Variants in WDFY3 observed in about 807,000 individuals in gnomAD.
The protein encoded by WDFY3 is WD repeat and FYVE domain-containing protein 3.
Under a neutral mutation model 409.6 loss-of-function variants are expected in WDFY3, and 66 were observed. That is an observed-to-expected ratio of 0.16 (90% CI 0.13 to 0.20). The LOEUF (loss-of-function observed/expected upper bound fraction) is 0.20. Ranked by LOEUF, WDFY3 falls within the 10% of genes least tolerant of loss-of-function variation. The pLI, the probability that WDFY3 is intolerant of heterozygous loss-of-function variation, is 1.00. For missense variants in WDFY3, 3,031 were observed against 4,298.1 expected (o/e 0.71, Z 8.24); for synonymous variants, 1,521 against 1,537.1 (o/e 0.99, Z 0.25).
At chr4:84,907,521 C>T (rs1012141095) in intron 2 of WDFY3, among the ~76,000 whole-genome samples, 1 of 152,162 alleles carries the variant, frequency 6.6e-6, no homozygotes, top group Non-Finnish European at 1.5e-5. Flanking sequence ...AAGTGATCCT[C>T]TAGTCCCAGT....
At chr4:84,954,158 C>T (rs1373538043) in intron 1 of WDFY3, among the ~76,000 whole-genome samples, 1 of 152,034 alleles carries the variant, frequency 6.6e-6, no homozygotes, top group Non-Finnish European at 1.5e-5. Context: ...AGCATAACAT[C>T]ACTTGAGAGT....
chr4:84,858,248 T>C lies in WDFY3; in HGVS notation c.180+2164A>G, dbSNP rs1440787151. On this transcript the variant is annotated intron_variant, in intron 4 of 67. Coordinates refer to ENST00000295888, the MANE Select transcript of WDFY3 (RefSeq NM_014991.6). ...AACCCAATAAGGTTGACATTATTATTATTTTACAGCCCAGAAATTGAAGGT... is the reference window on the plus strand; with the variant it reads ...AACCCAATAAGGTTGACATTATTATCATTTTACAGCCCAGAAATTGAAGGT... Among the ~76,000 whole-genome samples, 3 of 152,182 alleles carry C rather than the reference T, an allele frequency of 2.0e-5. No homozygotes were observed. In the East Asian group the frequency reaches 5.8e-4, roughly 29 times the overall value.
chr4:84,766,483 C>T (rs1743659715), intron 30 of WDFY3, 111 bp from the exon 31 acceptor site: 2 of 1,081,180 alleles, frequency 1.8e-6, no homozygotes, highest in Non-Finnish European at 2.6e-6. Context: ...AAAACATTTT[C>T]TCCAGGACTG....
chr4:84,690,715 A>T, intron 60 of WDFY3, 51 bp from the exon 61 acceptor site: 1 of 1,528,880 alleles, frequency 6.5e-7, no homozygotes, highest in Admixed American at 2.1e-5. Flanking sequence ...TACTATACAA[A>T]CTTCTGAAAC....
intron 7 of WDFY3, among the ~76,000 whole-genome samples, chr4:84,833,721 G>GAGAAGAGAAC (rs1756139776): frequency 6.6e-6 from 1 of 150,386 alleles, no homozygotes; most frequent in African/African-American, 2.5e-5. Flanking sequence ...CAGAACAGAA[G>GAGAAGAGAAC]AGAACAGAAG....
At chr4:84,848,423 T>C (rs1161737351) in intron 5 of WDFY3, among the ~76,000 whole-genome samples, 3 of 152,122 alleles carry the variant, frequency 2.0e-5, no homozygotes, top group South Asian at 2.1e-4. Context: ...TGACTGATAA[T>C]AATGCAAGCA....
In WDFY3 at chr4:84,752,020, A is replaced by T. The variant is rs576172308; in HGVS notation, c.5740-304T>A. Among the ~76,000 whole-genome samples, 10 of 152,244 alleles carry T rather than the reference A, an allele frequency of 6.6e-5. No homozygotes were observed. The East Asian group carries it at 1.9e-3, about 29-fold the overall frequency. Reference sequence around the variant, plus strand: ...ATGGAATAATAAAATTAGAATAAATATGTTTCCATATTTGAACTCTACCCC... The same window carrying T: ...ATGGAATAATAAAATTAGAATAAATTTGTTTCCATATTTGAACTCTACCCC... On this transcript the variant is annotated intron_variant, in intron 35 of 67. Coordinates refer to ENST00000295888, the MANE Select transcript of WDFY3 (RefSeq NM_014991.6).
At chr4:84,820,623 CAG>C (rs977083293) in intron 11 of WDFY3, among the ~76,000 whole-genome samples, 8 of 152,106 alleles carry the variant, frequency 5.3e-5, no homozygotes, top group Admixed American at 1.3e-4. Flanking sequence ...TCAGATTTAT[CAG>C]AGAGGTACCC....
At chr4:84,870,370 G>A (rs1761979645) in intron 3 of WDFY3, among the ~76,000 whole-genome samples, 1 of 152,100 alleles carries the variant, frequency 6.6e-6, no homozygotes, top group Non-Finnish European at 1.5e-5. Flanking sequence ...AGAGTCACAG[G>A]TGAAATCAGC....
chr4:84,701,533 T>C (rs1300068453), intron 56 of WDFY3, among the ~76,000 whole-genome samples: 2 of 152,104 alleles, frequency 1.3e-5, no homozygotes, highest in Non-Finnish European at 2.9e-5. Context: ...ATACAAGGAA[T>C]GAAAAAAATA....
chr4:84,786,947 G>T (rs1026992709), intron 23 of WDFY3, among the ~76,000 whole-genome samples: 2 of 152,090 alleles, frequency 1.3e-5, no homozygotes, highest in African/African-American at 4.8e-5. Flanking sequence ...CAAGGGAGTG[G>T]AAGACCATCA....
chr4:84,715,421 G>C, intron 49 of WDFY3, 38 bp from the exon 50 acceptor site: 1 of 1,121,996 alleles, frequency 8.9e-7, no homozygotes, highest in Middle Eastern at 2.0e-4. Flanking sequence ...AGAAAAAACA[G>C]AAGTTCACAA....
chr4:84,810,380 A>G, intron 13 of WDFY3, 36 bp from the exon 14 acceptor site: 1 of 1,366,474 alleles, frequency 7.3e-7, no homozygotes, highest in South Asian at 1.6e-5. Context: ...ATGAAAATAC[A>G]CATAATTCAA....
intron 2 of WDFY3, among the ~76,000 whole-genome samples, chr4:84,912,963 T>C (rs1346243720): frequency 1.3e-5 from 2 of 152,094 alleles, no homozygotes; most frequent in African/African-American, 4.8e-5. Flanking sequence ...GTACCACAAG[T>C]AGGGCTGGAA....
At chr4:84,749,343 T>C (rs1469713999) in intron 36 of WDFY3, among the ~76,000 whole-genome samples, 2 of 152,218 alleles carry the variant, frequency 1.3e-5, no homozygotes, top group Non-Finnish European at 2.9e-5. Context: ...TCTGCATATG[T>C]ATATTAAAGA....
At position 84,823,010 on chromosome 4, in the gene WDFY3, T is replaced by A. The variant is rs115501558; in HGVS notation, c.1124-1459A>T. Among the ~76,000 whole-genome samples, 267 of 152,292 alleles carry A rather than the reference T, an allele frequency of 1.8e-3. 1 individual carries two copies. Among genetic ancestry groups the A allele is most frequent in the African/African-American group, 6.0e-3 (248 of 41,572 alleles). On this transcript the variant is annotated intron_variant, in intron 10 of 67. Coordinates refer to ENST00000295888, the MANE Select transcript of WDFY3 (RefSeq NM_014991.6). ...TAGTTCATGTGATTATTAATTTATA[T>A]GGAAAATCAAAAGACTTAGAATAGC...
chr4:84,737,316 G>C lies in WDFY3; in HGVS notation c.6625C>G (p.His2209Asp). Residue 2209 changes from histidine to aspartate, a missense_variant, in exon 41 of 68, where the codon CAT becomes GAT. Coordinates refer to ENST00000295888, the MANE Select transcript of WDFY3 (RefSeq NM_014991.6). ...AVNRVWTELI[H>D]SKKQVLEELF... ...TCCTCTAAGACTTGTTTCTTACTAT[G>C]TATCAGTTCAGTCCAAACTCTGTTG... 6.2e-7 allele frequency: 1 copy of C among 1,612,872 alleles called. No individual in the cohort carries two copies. Among genetic ancestry groups the C allele is most frequent in the Non-Finnish European group, 8.5e-7 (1 of 1,179,434 alleles).
At chr4:84,868,842 G>T (rs1225700874) in intron 3 of WDFY3, among the ~76,000 whole-genome samples, 1 of 152,118 alleles carries the variant, frequency 6.6e-6, no homozygotes. Flanking sequence ...AGGTTACTTG[G>T]TATGATTAAT....
At chr4:84,961,555 T>TACTTTTTACTTTTTCATGTTGTTAAAA (rs1774921040) in intron 1 of WDFY3, among the ~76,000 whole-genome samples, 1 of 152,154 alleles carries the variant, frequency 6.6e-6, no homozygotes, top group Admixed American at 6.5e-5. Flanking sequence ...AAAAAGTAAT[T>TACTTTTTACTTTTTCATGTTGTTAAAA]TTAACAACAT....
Sources: allele counts gnomAD v4.1 joint callset (sites outside exome capture counted in the v4.1 genomes callset), GRCh38; gene constraint gnomAD v4.1.1; transcripts MANE v1.5; gene names NCBI Gene and HGNC (gene_info 2026-07-23, HGNC 2026-07-21).